NTRK2: variants seen among roughly 807,000 people sequenced by gnomAD.
The protein encoded by NTRK2 is neurotrophic receptor tyrosine kinase 2, also known as BDNF/NT-3 growth factors receptor.
A neutral mutation model predicts 94.5 loss-of-function variants in NTRK2; 13 were observed. The ratio of observed to expected loss-of-function variants is 0.14; its 90% CI spans 0.09 to 0.22. NTRK2 has a LOEUF of 0.22. NTRK2 is among the 10% of genes least tolerant of loss of function. The pLI, the probability that NTRK2 is intolerant of heterozygous loss-of-function variation, is 1.00. For missense variants in NTRK2, 639 were observed against 1,071.2 expected, an observed-to-expected ratio of 0.60 and a Z score of 5.63; for synonymous variants, 372 against 407.4, an observed-to-expected ratio of 0.91 and a Z score of 1.05.
At chr9:85,014,737 G>A (rs947886049) in intron 17 of NTRK2, among the ~76,000 whole-genome samples, 1 of 152,138 alleles carries the variant, frequency 6.6e-6, no homozygotes, top group African/African-American at 2.4e-5. Context: ...GGGCCTTTTA[G>A]TATTTTCTTC....
intron 12 of NTRK2, among the ~76,000 whole-genome samples, chr9:84,753,567 G>T (rs192632847): frequency 3.9e-4 from 60 of 152,282 alleles, no homozygotes; most frequent in Admixed American, 3.9e-3. Flanking sequence ...CAAGATGTTG[G>T]TAGAGACATC....
chr9:84,878,113 T>A (rs1451680831), intron 14 of NTRK2, among the ~76,000 whole-genome samples: 1 of 152,178 alleles, frequency 6.6e-6, no homozygotes, highest in East Asian at 1.9e-4. Context: ...GGCAAGAATG[T>A]CACTTGCTTA....
At chr9:84,930,010 A>G (rs1455546651) in intron 14 of NTRK2, among the ~76,000 whole-genome samples, 1 of 152,232 alleles carries the variant, frequency 6.6e-6, no homozygotes, top group Non-Finnish European at 1.5e-5. Flanking sequence ...TTTATCATGG[A>G]ATCCTTAGGC....
chr9:84,906,449 C>T (rs374200900), intron 14 of NTRK2, among the ~76,000 whole-genome samples: 8 of 152,174 alleles, frequency 5.3e-5, no homozygotes, highest in African/African-American at 1.4e-4. Flanking sequence ...GCAGTGGGAG[C>T]GAGCTGACTG....
intron 17 of NTRK2, among the ~76,000 whole-genome samples, chr9:84,964,492 C>T (rs975430544): frequency 2.0e-5 from 3 of 152,162 alleles, no homozygotes; most frequent in South Asian, 2.1e-4. Flanking sequence ...CTCACATGCA[C>T]GCACTGATCA....
intron 14 of NTRK2, among the ~76,000 whole-genome samples, chr9:84,932,240 G>A (rs991410175): frequency 1.3e-5 from 2 of 152,198 alleles, no homozygotes; most frequent in African/African-American, 4.8e-5. Flanking sequence ...AGTGGTATAA[G>A]GGAAATAATT....
chr9:84,800,898 C>A (rs901681583), intron 12 of NTRK2, among the ~76,000 whole-genome samples: 2 of 152,164 alleles, frequency 1.3e-5, no homozygotes, highest in African/African-American at 2.4e-5. Context: ...TGGGGCCACT[C>A]TTTCAGTTTG....
chr9:84,904,400 T>C (rs182950714), intron 14 of NTRK2, among the ~76,000 whole-genome samples: 81 of 152,318 alleles, frequency 5.3e-4, no homozygotes, highest in Non-Finnish European at 1.1e-3. Context: ...CATTCTTTGC[T>C]TTATCTCCTC....
chr9:84,919,020 G>T (rs990777056), intron 14 of NTRK2, among the ~76,000 whole-genome samples: 1 of 151,608 alleles, frequency 6.6e-6, no homozygotes, highest in Non-Finnish European at 1.5e-5. Flanking sequence ...TAACCTTCAA[G>T]CTCTCTATGG....
At chr9:84,700,517 T>C (rs951196386) in intron 2 of NTRK2, among the ~76,000 whole-genome samples, 7 of 152,288 alleles carry the variant, frequency 4.6e-5, no homozygotes, top group South Asian at 2.1e-4. Flanking sequence ...TGGAGGCTGG[T>C]TTTTTATGTA....
At chr9:84,679,407 G>A (rs1045281661) in intron 2 of NTRK2, among the ~76,000 whole-genome samples, 1 of 152,114 alleles carries the variant, frequency 6.6e-6, no homozygotes. Context: ...TCTGGTGGAC[G>A]ACCTGTGGGC....
At chr9:84,950,758 A>C (rs1353862076) in intron 16 of NTRK2, among the ~76,000 whole-genome samples, 2 of 152,110 alleles carry the variant, frequency 1.3e-5, no homozygotes, top group Non-Finnish European at 2.9e-5. Context: ...AATCCATCTC[A>C]AGGTCTAGTG....
chr9:84,858,371 C>A (rs2075168216), intron 12 of NTRK2, among the ~76,000 whole-genome samples: 1 of 151,658 alleles, frequency 6.6e-6, no homozygotes, highest in Admixed American at 6.6e-5. Flanking sequence ...CCTAACTGTG[C>A]GATTTTCACT....
intron 12 of NTRK2, among the ~76,000 whole-genome samples, chr9:84,816,285 T>C (rs1481999307): frequency 1.3e-5 from 2 of 152,146 alleles, no homozygotes; most frequent in African/African-American, 4.8e-5. Context: ...GTCAGCTGCA[T>C]GGTTCCTGCC....
At chr9:84,895,059 G>A (rs979965947) in intron 14 of NTRK2, among the ~76,000 whole-genome samples, 1 of 152,188 alleles carries the variant, frequency 6.6e-6, no homozygotes, top group African/African-American at 2.4e-5. Flanking sequence ...AGGACAAAGA[G>A]AAGGAAGTGA....
chr9:85,017,006 C>A (rs1832309456), intron 17 of NTRK2, among the ~76,000 whole-genome samples: 1 of 152,142 alleles, frequency 6.6e-6, no homozygotes, highest in Non-Finnish European at 1.5e-5. Context: ...GAAGCTTTTT[C>A]TTGGCTATTA....
At chr9:84,787,619 G>A (rs1252562650) in intron 12 of NTRK2, among the ~76,000 whole-genome samples, 1 of 152,176 alleles carries the variant, frequency 6.6e-6, no homozygotes, top group East Asian at 1.9e-4. Context: ...AATATTAGAA[G>A]TCAGGCAAAA....
At chr9:84,826,327 C>T (rs532076877) in intron 12 of NTRK2, among the ~76,000 whole-genome samples, 4 of 152,316 alleles carry the variant, frequency 2.6e-5, no homozygotes, top group South Asian at 4.1e-4. Context: ...GCCTTCAGCT[C>T]GCCTTCTCCC....
At chr9:84,913,337 T>C (rs1465253167) in intron 14 of NTRK2, among the ~76,000 whole-genome samples, 1 of 152,192 alleles carries the variant, frequency 6.6e-6, no homozygotes, top group Non-Finnish European at 1.5e-5. Flanking sequence ...GAAGCCTTAA[T>C]CATCTTTATT....
Sources: allele counts gnomAD v4.1 joint callset (sites outside exome capture counted in the v4.1 genomes callset), GRCh38; gene constraint gnomAD v4.1.1; transcripts MANE v1.5; gene names NCBI Gene and HGNC (gene_info 2026-07-23, HGNC 2026-07-21).